Variants in FAT1 observed in about 807,000 individuals in gnomAD.
The protein encoded by FAT1 is protocadherin Fat 1.
In FAT1, 171 loss-of-function variants were observed where a neutral mutation model predicts 329.8. The observed-to-expected ratio is 0.52, with a 90% confidence interval of 0.46 to 0.59. The LOEUF (loss-of-function observed/expected upper bound fraction) is 0.59, where lower values mean the gene tolerates loss of function less well. FAT1 is among the 20% of genes least tolerant of loss of function. FAT1 has a pLI of 0.00. For synonymous variants in FAT1, 2,233 were observed against 2,228.6 expected (o/e 1.00, Z -0.06); for missense variants, 5,672 against 5,774.4 (o/e 0.98, Z 0.57).
chr4:186,601,131 G>GC (rs1738795346), intron 21 of FAT1, 138 bp downstream of exon 21: 1 of 767,266 alleles, frequency 1.3e-6, no homozygotes, highest in Non-Finnish European at 2.0e-6. Flanking sequence ...ACTTGTACAG[G>GC]CATCAATGAA....
At position 186,672,968 on chromosome 4, in the gene FAT1, A is replaced by C. The variant is rs201396735; in HGVS notation, c.3266-9355T>G. 1.4e-4 allele frequency among the ~76,000 whole-genome samples: 21 copies of C among 152,336 alleles called. No homozygotes were observed. The East Asian group carries it at 4.0e-3, about 29-fold the overall frequency. ...GAATTTCATTGTATCGGGAGGGAAA[A>C]GGAATGGACTTATTATATGATGGTA... On this transcript the variant is annotated intron_variant, in intron 2 of 26. Coordinates refer to ENST00000441802, the MANE Select transcript of FAT1 (RefSeq NM_005245.4).
chr4:186,598,025 A>G lies in FAT1; in HGVS notation c.12204T>C (p.Val4068=). ...GGCAAACAAAGCCTCCGTTGTCGAC[A>G]ACACACGTGCCCCCATAGAGGCATG... ...SKPCLYGGTC[V]VDNGGFVCQC... Residue 4068 remains valine (V), a synonymous_variant, in exon 23 of 27, where the codon GTT becomes GTC. Coordinates refer to ENST00000441802, the MANE Select transcript of FAT1 (RefSeq NM_005245.4). The G allele has an allele frequency of 1.2e-6, 2 of 1,613,918 alleles. No individual in the cohort carries two copies. Among genetic ancestry groups the G allele is most frequent in the Non-Finnish European group, 1.7e-6 (2 of 1,179,890 alleles).
In FAT1 at chr4:186,636,683, C is replaced by A; in HGVS notation, c.3874G>T (p.Glu1292Ter). The A allele has an allele frequency of 6.2e-7, 1 of 1,613,852 alleles. No homozygotes were observed. The highest frequency in any genetic ancestry group is 8.5e-7 in the Non-Finnish European group (1 of 1,179,878). ...GPNAEISYSI[E>*]DGNEHGKFFI... is the part of the protein sequence containing the mutation. ...AATTTGCCATGCTCATTCCCGTCTT[C>A]GATGCTGTAGGAGATTTCTGCATTG... The change falls in exon 5 of 27, where the codon GAA (glutamate) becomes TAA (stop). Residue 1292 changes from glutamate (E) to a stop codon, truncating the protein, a stop_gained. Coordinates refer to ENST00000441802, the MANE Select transcript of FAT1 (RefSeq NM_005245.4). LOFTEE classifies it high-confidence loss of function.
At chr4:186,627,890 TC>T (rs766643999) in intron 9 of FAT1, among the ~76,000 whole-genome samples, 1 of 152,128 alleles carries the variant, frequency 6.6e-6, no homozygotes, top group African/African-American at 2.4e-5. Flanking sequence ...AAATAAAGTT[TC>T]CTCTACTACG....
At chr4:186,716,458 T>G (rs1052018381) in intron 1 of FAT1, among the ~76,000 whole-genome samples, 1 of 151,916 alleles carries the variant, frequency 6.6e-6, no homozygotes, top group African/African-American at 2.4e-5. Flanking sequence ...GACAGGGTCT[T>G]GCTCTATCTC....
chr4:186,589,360 T>A (rs1738131070), intron 26 of FAT1, 140 bp from the exon 27 acceptor site: 2 of 978,896 alleles, frequency 2.0e-6, no homozygotes, highest in Admixed American at 5.5e-5. Context: ...AAATTCCTCG[T>A]CTTTGCTTTG....
At chr4:186,721,395 T>C (rs1323224698) in intron 1 of FAT1, among the ~76,000 whole-genome samples, 1 of 152,238 alleles carries the variant, frequency 6.6e-6, no homozygotes, top group Non-Finnish European at 1.5e-5. Context: ...TCTTCTCCAG[T>C]GTCTAAGGAT....
chr4:186,659,977 CAG>C (rs1222150199), intron 3 of FAT1, among the ~76,000 whole-genome samples: 2 of 152,186 alleles, frequency 1.3e-5, no homozygotes, highest in Non-Finnish European at 2.9e-5. Flanking sequence ...CGAGCCTCAA[CAG>C]GGGACAGAAA....
At position 186,611,517 on chromosome 4, in the gene FAT1, T is replaced by C. The variant is rs368865181; in HGVS notation, c.9722A>G (p.Glu3241Gly). The C allele has an allele frequency of 6.2e-7, 1 of 1,613,882 alleles. No individual in the cohort carries two copies. Among genetic ancestry groups the C allele is most frequent in the Non-Finnish European group, 8.5e-7 (1 of 1,179,896 alleles). ...EYREYGATVS[E>G]DILVGTEVLQ... ...AACTTCAGTTCCAACAAGAATGTCC[T>C]CAGACACGGTGGCACCATATTCACG... Residue 3241 changes from glutamate (E) to glycine (G), a missense_variant, in exon 14 of 27, where the codon GAG becomes GGG. Physicochemically the swap from Glu to Gly is moderately conservative, Grantham distance 98. This residue lies in a region of FAT1 where 1,706 missense variants were observed against 1,859.1 expected (regional missense o/e 0.92). Coordinates refer to ENST00000441802, the MANE Select transcript of FAT1 (RefSeq NM_005245.4).
intron 4 of FAT1, among the ~76,000 whole-genome samples, chr4:186,638,534 T>C (rs1395429604): frequency 6.6e-6 from 1 of 151,954 alleles, no homozygotes; most frequent in East Asian, 1.9e-4. Context: ...AACTCAGATG[T>C]AATACATGAA....
intron 3 of FAT1, among the ~76,000 whole-genome samples, chr4:186,643,035 G>A (rs1741174289): frequency 6.6e-6 from 1 of 152,184 alleles, no homozygotes; most frequent in Non-Finnish European, 1.5e-5. Context: ...GAGAGAAGAC[G>A]AAGATGTAGA....
intron 2 of FAT1, among the ~76,000 whole-genome samples, chr4:186,686,073 A>G (rs1287954517): frequency 6.6e-6 from 1 of 152,206 alleles, no homozygotes; most frequent in Non-Finnish European, 1.5e-5. Context: ...TAATCAACCA[A>G]CTGTTCCATT....
chr4:186,725,200 TG>T (rs1278126488), upstream of FAT1, among the ~76,000 whole-genome samples: 1 of 152,070 alleles, frequency 6.6e-6, no homozygotes, highest in Non-Finnish European at 1.5e-5. The surrounding 1 kb of genome is among the most constrained non-coding windows in gnomAD (Gnocchi z 5.4). Context: ...ATTTCATACA[TG>T]GAACACCTCG....
intron 2 of FAT1, among the ~76,000 whole-genome samples, chr4:186,674,740 G>A (rs1742874884): frequency 1.3e-5 from 2 of 152,172 alleles, no homozygotes; most frequent in South Asian, 4.1e-4. Flanking sequence ...TCTTCTTTAT[G>A]TATTAAAAGG....
At chr4:186,658,420 T>C (rs568035600) in intron 3 of FAT1, among the ~76,000 whole-genome samples, 6 of 152,292 alleles carry the variant, frequency 3.9e-5, no homozygotes, top group Admixed American at 3.3e-4. Flanking sequence ...TTTCTTGTTG[T>C]GACTTTTAAA....
At chr4:186,657,466 A>T (rs1474228239) in intron 3 of FAT1, among the ~76,000 whole-genome samples, 1 of 149,998 alleles carries the variant, frequency 6.7e-6, no homozygotes, top group African/African-American at 2.4e-5. Flanking sequence ...GCACACCAGC[A>T]TTTGACTAGA....
chr4:186,710,551 A>G (rs892957684), intron 1 of FAT1, among the ~76,000 whole-genome samples: 3 of 152,220 alleles, frequency 2.0e-5, no homozygotes, highest in Non-Finnish European at 4.4e-5. Flanking sequence ...AAGAAAGGCA[A>G]TTTACAAAAG....
intron 2 of FAT1, among the ~76,000 whole-genome samples, chr4:186,666,439 G>A (rs1448855452): frequency 6.6e-6 from 1 of 152,140 alleles, no homozygotes; most frequent in Non-Finnish European, 1.5e-5. Context: ...GACGTCAGGG[G>A]ATAACAGAAT....
At chr4:186,681,299 A>AT (rs1354068703) in intron 2 of FAT1, among the ~76,000 whole-genome samples, 33 of 152,244 alleles carry the variant, frequency 2.2e-4, no homozygotes, top group African/African-American at 7.5e-4. Context: ...TATATGGGTT[A>AT]TAAGAATTAC....
Sources: gnomAD v4.1 joint callset for allele counts (sites outside exome capture counted in the v4.1 genomes callset) on GRCh38, gnomAD v4.1.1 for gene constraint, gnomAD v4.1.1 regional missense constraint, Gnocchi (gnomAD v3.1) non-coding constraint, MANE v1.5 for transcripts, NCBI Gene and HGNC (gene_info 2026-07-23, HGNC 2026-07-21) for gene names.